The following SYNGR2 variants were observed in gnomAD, a reference collection of about 807,000 sequenced individuals.
The protein encoded by SYNGR2 is synaptogyrin-2.
SYNGR2 carries 11 observed loss-of-function variants against 18.7 expected under a neutral mutation model. The observed-to-expected ratio is 0.59, with a 90% CI of 0.37 to 0.97. The LOEUF (loss-of-function observed/expected upper bound fraction) is 0.97, where lower values mean the gene tolerates loss of function less well. Ranked by LOEUF, SYNGR2 falls within the 50% of genes least tolerant of loss-of-function variation. SYNGR2 has a pLI of 0.01. For synonymous variants in SYNGR2, 127 were observed against 131.0 expected (o/e 0.97, Z 0.21); for missense variants, 253 against 300.7 (o/e 0.84, Z 1.17).
Position 78,171,417 on chromosome 17 carries a change from G to A in SYNGR2, c.338-93G>A. The A allele has an allele frequency of 1.4e-6, 2 of 1,449,742 alleles. No individual in the cohort carries two copies. The highest frequency in any genetic ancestry group is 2.8e-5 in the South Asian group (2 of 70,280). 89.8% of individuals were successfully genotyped at this position (1,449,742 alleles called of 1,614,324 possible). On this transcript the variant is annotated intron_variant, in intron 2 of 3. Transcript: ENST00000225777. The surrounding 1 kb of genome is among the most constrained non-coding windows in gnomAD (Gnocchi z 6.6). The stretch of plus-strand genomic sequence containing the variant: ...CTCCATAGTGTGGAGGCTCCCCCGG[G>A]AGGTCCCTGCCCTACCTGCCCGCGT...
Position 78,171,631 on chromosome 17 carries a change from C to G in SYNGR2, c.459C>G (p.Phe153Leu). The G allele has an allele frequency of 1.9e-6, 3 of 1,593,436 alleles. No homozygotes were observed. In the South Asian group the frequency reaches 3.4e-5, roughly 18 times the overall value. Residue 153 changes from phenylalanine to leucine, a missense_variant, in exon 3 of 4, where the codon TTC becomes TTG. Physicochemically the swap from Phe to Leu is conservative, Grantham distance 22. Coordinates refer to ENST00000225777, the MANE Select transcript of SYNGR2 (RefSeq NM_004710.7). The surrounding 1 kb of genome is among the most constrained non-coding windows in gnomAD (Gnocchi z 6.6). ...DSVRAAITFS[F>L]FSIFSWGVLA... ...TGAGGGCAGCCATCACCTTCAGCTT[C>G]TTTTCCATCTTCTCCTGGGTAGGAT...
intron 1 of SYNGR2, 45 bp downstream of exon 1, chr17:78,168,760 C>G (rs1019463567): frequency 1.7e-5 from 20 of 1,183,558 alleles, no homozygotes; most frequent in Non-Finnish European, 2.1e-5. Flanking sequence ...GGGACCCCCT[C>G]TCCGTCGCCA....
At position 78,170,792 on chromosome 17, in the gene SYNGR2, C is replaced by G. The variant is rs777584174; in HGVS notation, c.100-25C>G. 20 of 1,598,080 alleles carry G rather than the reference C, an allele frequency of 1.3e-5. No homozygotes were observed. In the East Asian group the frequency reaches 4.5e-4, roughly 36 times the overall value. Reference sequence around the variant, plus strand: ...TGTGCCCCTCAGGCGGCCACCAGCCCTACCAGGTCCTCCCCTCCCGGCAGG... The same window carrying G: ...TGTGCCCCTCAGGCGGCCACCAGCCGTACCAGGTCCTCCCCTCCCGGCAGG... On this transcript the variant is annotated intron_variant, in intron 1 of 3. Transcript: ENST00000225777.
chr17:78,171,053 A>T lies in SYNGR2; in HGVS notation c.336A>T (p.Ser112=). The T allele has an allele frequency of 6.2e-7, 1 of 1,612,402 alleles. No individual in the cohort carries two copies. The highest frequency in any genetic ancestry group is 8.5e-7 in the Non-Finnish European group (1 of 1,179,590). Residue 112 remains serine, a splice_region_variant and synonymous_variant, in exon 2 of 4, where the codon TCA becomes TCT. Transcript: ENST00000225777. This position sits in a 1 kb window ranked among gnomAD's most constrained non-coding sequence, Gnocchi z 6.6. The part of the protein sequence containing the change: ...KYLVIGDLLF[S]ALWTFLWFVG... ...TGGTCATTGGTGACCTGCTCTTCTC[A>T]GGTATCTGCCTGTGGCACCTCCATT...
Position 78,171,130 on chromosome 17 carries a change from G to T in SYNGR2, c.337+76G>T. 7.0e-7 allele frequency: 1 copy of T among 1,430,980 alleles called. No individual in the cohort carries two copies. 88.6% of individuals were successfully genotyped at this position (1,430,980 alleles called of 1,614,324 possible). A position where few individuals can be genotyped will look rare whatever the true frequency, so the allele number is the denominator to read the frequency against. On this transcript the variant is annotated intron_variant, in intron 2 of 3. Transcript: ENST00000225777. This position sits in a 1 kb window ranked among gnomAD's most constrained non-coding sequence, Gnocchi z 6.6. ...GGGTTCCGCAGCTGGGAGGGTCTCG[G>T]CCTCTCTGGGAGGGGCAGGGAGCAG...
chr17:78,171,361 G>A lies in SYNGR2; in HGVS notation c.338-149G>A. 1 of 984,570 alleles carries A rather than the reference G, an allele frequency of 1.0e-6. No individual in the cohort carries two copies. Among genetic ancestry groups the A allele is most frequent in the South Asian group, 1.8e-5 (1 of 55,972 alleles). The allele number at this position is 984,570 out of a possible 1,614,324, so 61.0% of individuals were successfully genotyped here. A position where few individuals can be genotyped will look rare whatever the true frequency, so the allele number is the denominator to read the frequency against. On this transcript the variant is annotated intron_variant, in intron 2 of 3. Coordinates refer to ENST00000225777, the MANE Select transcript of SYNGR2 (RefSeq NM_004710.7). The surrounding 1 kb of genome is among the most constrained non-coding windows in gnomAD (Gnocchi z 6.6). Reference sequence around the variant, plus strand: ...GGCCCGAGTGTGGGGGACTTTGGAGGTGGCTCCCGGCCCGGCTTCCAAGTC... The same window carrying A: ...GGCCCGAGTGTGGGGGACTTTGGAGATGGCTCCCGGCCCGGCTTCCAAGTC...
At position 78,172,305 on chromosome 17, in the gene SYNGR2, A is replaced by G. The variant is rs906194303; in HGVS notation, c.*369A>G. 52 of 480,856 alleles carry G rather than the reference A, an allele frequency of 1.1e-4. No individual in the cohort carries two copies. Among genetic ancestry groups the G allele is most frequent in the South Asian group, 5.8e-4 (18 of 30,992 alleles). 29.8% of individuals were successfully genotyped at this position (480,856 alleles called of 1,614,324 possible). The stretch of plus-strand genomic sequence containing the variant: ...CCCGGGTCAGGCCGTGGGAGCCGCT[A>G]TTATCTGCGTTCTCTGCCAAAGACT... On this transcript the variant is annotated 3_prime_UTR_variant, in exon 4 of 4. Transcript: ENST00000225777.
At chr17:78,168,814 G>T (rs1459537086) in intron 1 of SYNGR2, 99 bp downstream of exon 1, 1 of 1,043,614 alleles carries the variant, frequency 9.6e-7, no homozygotes, top group Non-Finnish European at 1.2e-6. Context: ...AGGTGGCGGC[G>T]GCCGCGTCCG....
intron 1 of SYNGR2, chr17:78,170,608 C>A (rs4583318): frequency 0.43 from 265,730 of 617,900 alleles, 59,175 homozygotes; most frequent in Admixed American, 0.6. Flanking sequence ...TTGCTTGAAC[C>A]CAGGAGGCAG....
chr17:78,170,633 CGA>C (rs1374615632), intron 1 of SYNGR2, 182 bp from the exon 2 acceptor site: 4 of 653,140 alleles, frequency 6.1e-6, no homozygotes, highest in Non-Finnish European at 1.1e-5. Context: ...TGCAGTGAGC[CGA>C]GATCGCACTA....
rs768038888 is a variant in SYNGR2, at chr17:78,172,063, T to G, written c.*127T>G. 6.6e-6 allele frequency: 10 copies of G among 1,518,472 alleles called. No homozygotes were observed. The highest frequency in any genetic ancestry group is 8.8e-6 in the Non-Finnish European group (10 of 1,136,440). The allele number at this position is 1,518,472 out of a possible 1,614,324, so 94.1% of individuals were successfully genotyped here. A position where few individuals can be genotyped will look rare whatever the true frequency, so the allele number is the denominator to read the frequency against. On this transcript the variant is annotated 3_prime_UTR_variant, in exon 4 of 4. Coordinates refer to ENST00000225777, the MANE Select transcript of SYNGR2 (RefSeq NM_004710.7). Reference sequence around the variant, plus strand: ...CCATCCTGTGCAGCTGACACACAGCTAAGGAGCCTCATAGCCTGGCGGGGG... The same window carrying G: ...CCATCCTGTGCAGCTGACACACAGCGAAGGAGCCTCATAGCCTGGCGGGGG...
At position 78,170,883 on chromosome 17, in the gene SYNGR2, C is replaced by T. The variant is rs772460071; in HGVS notation, c.166C>T (p.Gln56Ter). The T allele has an allele frequency of 1.2e-6, 2 of 1,613,392 alleles. No homozygotes were observed. The highest frequency in any genetic ancestry group is 1.3e-5 in the African/African-American group (1 of 74,920). The change falls in exon 2 of 4, where the codon CAG (glutamine) becomes TAG (stop). Residue 56 changes from glutamine to a stop codon, truncating the protein, a stop_gained. Coordinates refer to ENST00000225777, the MANE Select transcript of SYNGR2 (RefSeq NM_004710.7). LOFTEE classifies it high-confidence loss of function. ...CTACAGCAATGCCCACGAGTCTAAG[C>T]AGATGTACTGCGTGTTCAACCGCAA... ...EGYSNAHESK[Q>*]MYCVFNRNED...
chr17:78,172,919 A>G (rs2075671221), downstream of SYNGR2: 1 of 152,254 alleles, frequency 6.6e-6, no homozygotes, highest in Admixed American at 6.5e-5. Context: ...ATCTTAAAAT[A>G]GTAACTGTGC....
At chr17:78,169,467 G>A (rs3794742) in intron 1 of SYNGR2, among the ~76,000 whole-genome samples, 69,102 of 151,962 alleles carry the variant, frequency 0.45, 16,125 homozygotes, top group Admixed American at 0.55. Flanking sequence ...CTGTGTCCAA[G>A]AATCAGGTGC....
intron 1 of SYNGR2, chr17:78,170,464 C>T (rs577292248): frequency 7.6e-5 from 18 of 237,554 alleles, no homozygotes; most frequent in African/African-American, 2.7e-4. Flanking sequence ...TTTGGGAGGC[C>T]GAGGAGGGTG....
chr17:78,169,269 T>TGGGG (rs1176275117), intron 1 of SYNGR2: 2 of 37,020 alleles, frequency 5.4e-5, no homozygotes, highest in Non-Finnish European at 5.6e-5. Context: ...TGTGTGTGTG[T>TGGGG]GTGTGGCGGG....
In SYNGR2 at chr17:78,171,665, G is replaced by A. The variant is rs1246954046; in HGVS notation, c.477+16G>A. 1.2e-6 allele frequency: 2 copies of A among 1,606,572 alleles called. No individual in the cohort carries two copies. The highest frequency in any genetic ancestry group is 1.7e-6 in the Non-Finnish European group (2 of 1,174,590). On this transcript the variant is annotated intron_variant, in intron 3 of 3. Coordinates refer to ENST00000225777, the MANE Select transcript of SYNGR2 (RefSeq NM_004710.7). The surrounding 1 kb of genome is among the most constrained non-coding windows in gnomAD (Gnocchi z 6.6). Reference sequence around the variant, plus strand: ...CTTCTCCTGGGTAGGATGGCCAGGGGCCGGTTCTTGGGTCAAGGGTGGTGG... The same window carrying A: ...CTTCTCCTGGGTAGGATGGCCAGGGACCGGTTCTTGGGTCAAGGGTGGTGG...
rs774750671 is a variant in SYNGR2, at chr17:78,171,838, G to A, written c.577G>A (p.Ala193Thr). The change falls in exon 4 of 4, where the codon GCC (alanine) becomes ACC (threonine). Residue 193 changes from alanine to threonine, a missense_variant. Physicochemically the swap from Ala to Thr is moderately conservative, Grantham distance 58. Coordinates refer to ENST00000225777, the MANE Select transcript of SYNGR2 (RefSeq NM_004710.7). This position sits in a 1 kb window ranked among gnomAD's most constrained non-coding sequence, Gnocchi z 6.6. ...DPTPDPNTAYASYPGASVDNY... is the reference protein window; with the variant it reads ...DPTPDPNTAYTSYPGASVDNY... ...CACTCCGGACCCCAACACTGCCTAC[G>A]CCTCCTACCCAGGTGCATCTGTGGA... 17 of 1,613,932 alleles carry A rather than the reference G, an allele frequency of 1.1e-5. No homozygotes were observed. Among genetic ancestry groups the A allele is most frequent in the Middle Eastern group, 1.6e-4 (1 of 6,084 alleles).
In SYNGR2 at chr17:78,172,086, G is replaced by A; in HGVS notation, c.*150G>A. On this transcript the variant is annotated 3_prime_UTR_variant, in exon 4 of 4. Coordinates refer to ENST00000225777, the MANE Select transcript of SYNGR2 (RefSeq NM_004710.7). The stretch of plus-strand genomic sequence containing the variant: ...GCTAAGGAGCCTCATAGCCTGGCGG[G>A]GGCTGGCAGAGCCACACCCCAAGTG... 1 of 1,467,740 alleles carries A rather than the reference G, an allele frequency of 6.8e-7. No individual in the cohort carries two copies. Among genetic ancestry groups the A allele is most frequent in the Non-Finnish European group, 9.0e-7 (1 of 1,110,732 alleles). 90.9% of individuals were successfully genotyped at this position (1,467,740 alleles called of 1,614,324 possible).
Sources: gnomAD v4.1 joint callset for allele counts (sites outside exome capture counted in the v4.1 genomes callset) on GRCh38, gnomAD v4.1.1 for gene constraint, Gnocchi (gnomAD v3.1) non-coding constraint, MANE v1.5 for transcripts, NCBI Gene and HGNC (gene_info 2026-07-23, HGNC 2026-07-21) for gene names.